Variants in ELMO1 observed in about 807,000 individuals in gnomAD.
ELMO1 encodes the protein engulfment and cell motility protein 1.
In ELMO1, 26 loss-of-function variants were observed where a neutral mutation model predicts 98.9. The observed-to-expected ratio is 0.26, with a 90% CI of 0.19 to 0.36. The LOEUF is 0.36. Ranked by LOEUF, ELMO1 falls within the 10% of genes least tolerant of loss-of-function variation. The pLI is 1.00. For missense variants in ELMO1, 627 were observed against 935.2 expected (o/e 0.67, Z 4.30); for synonymous variants, 346 against 346.0 (o/e 1.00, Z 0.00).
At chr7:37,317,009 A>G (rs1479378734) in intron 2 of ELMO1, among the ~76,000 whole-genome samples, 5 of 152,148 alleles carry the variant, frequency 3.3e-5, no homozygotes, top group Admixed American at 6.5e-5. Context: ...TTATCTGTAA[A>G]ATGGCAATAG....
intron 15 of ELMO1, among the ~76,000 whole-genome samples, chr7:37,038,535 C>T (rs762094141): frequency 3.0e-4 from 45 of 152,234 alleles, no homozygotes; most frequent in African/African-American, 9.9e-4. Flanking sequence ...AAAGTCATTG[C>T]TTTTTTTGAA....
intron 19 of ELMO1, among the ~76,000 whole-genome samples, chr7:36,874,991 T>C (rs1803830006): frequency 6.6e-6 from 1 of 152,248 alleles, no homozygotes; most frequent in Non-Finnish European, 1.5e-5. Context: ...ATTATACTAT[T>C]TGATTTATCA....
In ELMO1 at chr7:36,855,710, C is replaced by T. The variant is rs747766842; in HGVS notation, c.2025G>A (p.Lys675=). 26 of 1,614,004 alleles carry T rather than the reference C, an allele frequency of 1.6e-5. No homozygotes were observed. The highest frequency in any genetic ancestry group is 5.3e-5 in the African/African-American group (4 of 74,918). The change falls in exon 22 of 22, where the codon AAG becomes AAA. Residue 675 remains lysine, a synonymous_variant. Coordinates refer to ENST00000310758, the MANE Select transcript of ELMO1 (RefSeq NM_014800.11). This position sits in a 1 kb window ranked among gnomAD's most constrained non-coding sequence, Gnocchi z 4.2. ...WTDGLNALLG[K]DMMSDLTRND... is the part of the protein sequence containing the mutation. ...TCCGCGTCAGGTCGCTCATCATGTC[C>T]TTCCCGAGTAGCGCATTCAGTCCAT...
At chr7:37,042,891 A>T (rs1199502733) in intron 15 of ELMO1, among the ~76,000 whole-genome samples, 1 of 152,222 alleles carries the variant, frequency 6.6e-6, no homozygotes, top group Non-Finnish European at 1.5e-5. Context: ...ACTTGGATTC[A>T]GTTCTGCGCA....
chr7:37,013,642 T>C, intron 15 of ELMO1: 1 of 551,940 alleles, frequency 1.8e-6, no homozygotes, highest in Admixed American at 3.1e-5. Context: ...GACCTAGCCT[T>C]AGACACATAT....
At chr7:37,340,040 A>T (rs1800632278) in intron 2 of ELMO1, among the ~76,000 whole-genome samples, 1 of 152,206 alleles carries the variant, frequency 6.6e-6, no homozygotes, top group Non-Finnish European at 1.5e-5. Context: ...GAAATTTCTA[A>T]AGATCAATGG....
chr7:36,857,236 T>G (rs1197123279), intron 21 of ELMO1, among the ~76,000 whole-genome samples: 1 of 152,192 alleles, frequency 6.6e-6, no homozygotes, highest in Non-Finnish European at 1.5e-5. Context: ...CCGGAAGAAT[T>G]AGTGTCCTCA....
At chr7:37,240,401 C>T (rs1794704542) in intron 7 of ELMO1, among the ~76,000 whole-genome samples, 1 of 151,900 alleles carries the variant, frequency 6.6e-6, no homozygotes, top group African/African-American at 2.4e-5. Flanking sequence ...CCTCTTTTAT[C>T]CCTGGTGTTG....
chr7:37,078,267 A>AC (rs34790375), intron 15 of ELMO1, among the ~76,000 whole-genome samples: 4 of 152,242 alleles, frequency 2.6e-5, no homozygotes, highest in Admixed American at 2.6e-4. Context: ...AGGCAAAAGT[A>AC]CCTAGGGCAC....
At chr7:37,065,109 T>G (rs1456816466) in intron 15 of ELMO1, among the ~76,000 whole-genome samples, 1 of 151,790 alleles carries the variant, frequency 6.6e-6, no homozygotes, top group Non-Finnish European at 1.5e-5. Flanking sequence ...CAGCCAGGGT[T>G]CTAACACACA....
intron 14 of ELMO1, chr7:37,132,924 C>T (rs2541096): frequency 0.19 from 69,048 of 367,604 alleles, 7,891 homozygotes; most frequent in African/African-American, 0.37. Flanking sequence ...TTAATGTCAT[C>T]GAAATAAAAA....
At position 37,366,137 on chromosome 7, in the gene ELMO1, G is replaced by C. The variant is rs559257085; in HGVS notation, c.-73-23374C>G. Among the ~76,000 whole-genome samples the C allele has an allele frequency of 3.0e-4, 46 of 152,210 alleles. 2 individuals carry two copies. Among genetic ancestry groups the C allele is most frequent in the African/African-American group, 1.0e-3 (42 of 41,536 alleles). ...AAAGATGAGAAAGAAAATTCAGAAA[G>C]AATGCTCTGATTTTTGCTCCTCGAT... On this transcript the variant is annotated intron_variant, in intron 1 of 21. Coordinates refer to ENST00000310758, the MANE Select transcript of ELMO1 (RefSeq NM_014800.11).
At chr7:37,026,611 A>C (rs1227932892) in intron 15 of ELMO1, among the ~76,000 whole-genome samples, 1 of 152,082 alleles carries the variant, frequency 6.6e-6, no homozygotes. Flanking sequence ...ATGCACCCTA[A>C]ATTCAACCAT....
At chr7:36,876,523 CAG>C (rs1255446048) in intron 19 of ELMO1, among the ~76,000 whole-genome samples, 1 of 151,960 alleles carries the variant, frequency 6.6e-6, no homozygotes, top group Admixed American at 6.6e-5. Flanking sequence ...TTGTGCATGT[CAG>C]AACTGGCGGG....
In ELMO1 at chr7:37,207,799, G is replaced by A. The variant is rs148671389; in HGVS notation, c.1086+3587C>T. On this transcript the variant is annotated intron_variant, in intron 13 of 21. Coordinates refer to ENST00000310758, the MANE Select transcript of ELMO1 (RefSeq NM_014800.11). Reference sequence around the variant, plus strand: ...TCTACTAAAAATACAAACATTAGCTGGGTGTGGTGGTGGGCACCCGACAAG... The same window carrying A: ...TCTACTAAAAATACAAACATTAGCTAGGTGTGGTGGTGGGCACCCGACAAG... Among the ~76,000 whole-genome samples the A allele has an allele frequency of 5.0e-3, 765 of 152,208 alleles. 3 individuals carry two copies. The highest frequency in any genetic ancestry group is 8.5e-3 in the Non-Finnish European group (576 of 68,004).
chr7:36,908,785 T>C (rs1204387923), intron 16 of ELMO1, among the ~76,000 whole-genome samples: 1 of 152,302 alleles, frequency 6.6e-6, no homozygotes. Flanking sequence ...CCACCCTTTT[T>C]CCCACCTAAT....
At chr7:37,032,614 A>ATTT (rs1794941739) in intron 15 of ELMO1, among the ~76,000 whole-genome samples, 1 of 152,196 alleles carries the variant, frequency 6.6e-6, no homozygotes, top group South Asian at 2.1e-4. Flanking sequence ...GGAGAGAGAC[A>ATTT]TTCTCCAAAA....
intron 16 of ELMO1, 56 bp from the exon 17 acceptor site, chr7:36,895,073 A>G (rs1805884477): frequency 1.9e-6 from 3 of 1,597,484 alleles, no homozygotes; most frequent in Non-Finnish European, 2.6e-6. Context: ...CCCATTCAGA[A>G]AAGTCTTTCC....
At chr7:37,022,468 C>T (rs1220393306) in intron 15 of ELMO1, among the ~76,000 whole-genome samples, 1 of 152,114 alleles carries the variant, frequency 6.6e-6, no homozygotes, top group Admixed American at 6.5e-5. Context: ...CCAATGAACA[C>T]ATGAAAAGGA....
Sources: allele counts gnomAD v4.1 joint callset (sites outside exome capture counted in the v4.1 genomes callset), GRCh38; gene constraint gnomAD v4.1.1; non-coding constraint Gnocchi (gnomAD v3.1); transcripts MANE v1.5; gene names NCBI Gene and HGNC (gene_info 2026-07-23, HGNC 2026-07-21).